Variants in SFMBT1 observed in about 807,000 individuals in gnomAD.
SFMBT1 encodes scm-like with four MBT domains protein 1.
SFMBT1 carries 32 observed loss-of-function variants against 108.7 expected under a neutral mutation model. That is an observed-to-expected ratio of 0.29 (90% CI 0.22 to 0.40). The LOEUF (loss-of-function observed/expected upper bound fraction) is 0.40, where lower values mean the gene tolerates loss of function less well. Among genes scored for constraint, SFMBT1 ranks in the 10% least tolerant of loss-of-function variants. SFMBT1 has a pLI of 1.00. For synonymous variants in SFMBT1, 348 were observed against 369.5 expected (o/e 0.94, Z 0.67); for missense variants, 816 against 1,059.6 (o/e 0.77, Z 3.19).
At chr3:53,029,806 G>A (rs1312861134) in intron 1 of SFMBT1, among the ~76,000 whole-genome samples, 1 of 152,054 alleles carries the variant, frequency 6.6e-6, no homozygotes, top group Non-Finnish European at 1.5e-5. Flanking sequence ...GGTGGAGGGT[G>A]GGGAGAATGG....
Position 52,934,852 on chromosome 3 carries a change from C to T in SFMBT1, c.414G>A (p.Leu138=), listed in dbSNP as rs762124646. Residue 138 remains leucine, a synonymous_variant, in exon 5 of 21, where the codon CTG becomes CTA. Transcript: ENST00000394752. The part of the protein sequence containing the change: ...SDWDEFLRQT[L]IGACSPPVPL... ...GAACAGGAGGACTACATGCTCCTATCAGGGTCTGCCGCAGAAACTCATCCC... is the reference window on the plus strand; with the variant it reads ...GAACAGGAGGACTACATGCTCCTATTAGGGTCTGCCGCAGAAACTCATCCC... The T allele has an allele frequency of 1.2e-6, 2 of 1,613,634 alleles. No individual in the cohort carries two copies. The highest frequency in any genetic ancestry group is 1.7e-6 in the Non-Finnish European group (2 of 1,179,840).
chr3:53,023,522 A>C (rs569061683), intron 1 of SFMBT1, among the ~76,000 whole-genome samples: 247 of 152,362 alleles, frequency 1.6e-3, no homozygotes, highest in African/African-American at 5.6e-3. Context: ...TGAATTAAAT[A>C]AATACCATCT....
chr3:52,912,167 A>G (rs1575366747), intron 16 of SFMBT1, among the ~76,000 whole-genome samples: 1 of 151,906 alleles, frequency 6.6e-6, no homozygotes, highest in Non-Finnish European at 1.5e-5. Context: ...CACAGAACTG[A>G]TTCTGTGAAT....
At chr3:53,023,640 C>A (rs1203300760) in intron 1 of SFMBT1, among the ~76,000 whole-genome samples, 13 of 152,198 alleles carry the variant, frequency 8.5e-5, no homozygotes, top group Non-Finnish European at 4.4e-5. Flanking sequence ...CAGCTGTGCT[C>A]CCATTAGGCT....
In SFMBT1 at chr3:53,019,842, A is replaced by G. The variant is rs565568914; in HGVS notation, c.-131+25974T>C. Among the ~76,000 whole-genome samples the G allele has an allele frequency of 4.7e-4, 72 of 152,298 alleles. 2 individuals are homozygous for G. The South Asian group carries it at 0.015, about 31-fold the overall frequency. ...ACTTAAAACCTTTCAGTAACTGACT[A>G]AATAGTAAAATCAAAACTCCTTACT... On this transcript the variant is annotated intron_variant, in intron 1 of 20. Transcript: ENST00000394752.
chr3:52,988,069 C>T (rs1429199188), intron 1 of SFMBT1, among the ~76,000 whole-genome samples: 1 of 152,196 alleles, frequency 6.6e-6, no homozygotes, highest in Non-Finnish European at 1.5e-5. Context: ...ACAGGCTCTG[C>T]CTCAACCCAG....
At chr3:52,966,853 A>C (rs918362086) in intron 2 of SFMBT1, among the ~76,000 whole-genome samples, 2 of 151,502 alleles carry the variant, frequency 1.3e-5, no homozygotes, top group African/African-American at 4.8e-5. Context: ...TATGTAGAGA[A>C]AATATTTAAG....
chr3:52,938,810 T>A (rs1321800896), intron 4 of SFMBT1, among the ~76,000 whole-genome samples: 1 of 152,368 alleles, frequency 6.6e-6, no homozygotes, highest in African/African-American at 2.4e-5. Context: ...TAGCTATACA[T>A]ATATTTAATG....
chr3:52,927,207 A>T (rs551305211), intron 9 of SFMBT1, among the ~76,000 whole-genome samples: 1 of 152,114 alleles, frequency 6.6e-6, no homozygotes, highest in Admixed American at 6.6e-5. Context: ...TCACTGATGG[A>T]GGAGACTCTA....
intron 1 of SFMBT1, among the ~76,000 whole-genome samples, chr3:53,037,618 A>C (rs567392878): frequency 2.6e-5 from 4 of 152,302 alleles, no homozygotes; most frequent in African/African-American, 9.6e-5. Flanking sequence ...ATACACCCGA[A>C]GTTTCTCAAA....
intron 1 of SFMBT1, among the ~76,000 whole-genome samples, chr3:52,976,733 A>G (rs1324142079): frequency 6.6e-5 from 10 of 152,242 alleles, no homozygotes; most frequent in Non-Finnish European, 1.2e-4. Context: ...TAATAGCCAT[A>G]ATAACAGCAC....
intron 2 of SFMBT1, among the ~76,000 whole-genome samples, chr3:52,965,604 C>T (rs750493394): frequency 2.6e-5 from 4 of 152,028 alleles, no homozygotes; most frequent in Non-Finnish European, 5.9e-5. Flanking sequence ...GCTTTCAACC[C>T]AGGATTCCAT....
chr3:53,031,323 G>C (rs993573733), intron 1 of SFMBT1, among the ~76,000 whole-genome samples: 1 of 152,170 alleles, frequency 6.6e-6, no homozygotes, highest in African/African-American at 2.4e-5. Flanking sequence ...CCAGACTGCT[G>C]ATTGCCTCTT....
At chr3:52,908,713 C>T (rs573978336) in intron 17 of SFMBT1, among the ~76,000 whole-genome samples, 3 of 152,160 alleles carry the variant, frequency 2.0e-5, no homozygotes, top group African/African-American at 7.2e-5. Context: ...GGACTACAGG[C>T]GTCTGCCACC....
At chr3:52,931,816 G>A (rs1158157359) in intron 6 of SFMBT1, among the ~76,000 whole-genome samples, 1 of 151,888 alleles carries the variant, frequency 6.6e-6, no homozygotes, top group Non-Finnish European at 1.5e-5. Flanking sequence ...CTCCAGCCTG[G>A]GTAACAGAGC....
At chr3:52,938,440 T>C (rs989183126) in intron 4 of SFMBT1, among the ~76,000 whole-genome samples, 1 of 152,152 alleles carries the variant, frequency 6.6e-6, no homozygotes, top group African/African-American at 2.4e-5. Flanking sequence ...CTTATTTTTG[T>C]TCTACGGATT....
intron 1 of SFMBT1, among the ~76,000 whole-genome samples, chr3:52,982,210 G>C (rs1240007019): frequency 6.6e-6 from 1 of 152,140 alleles, no homozygotes; most frequent in Non-Finnish European, 1.5e-5. Flanking sequence ...CTATGCAAGA[G>C]AACCCTGATA....
intron 4 of SFMBT1, among the ~76,000 whole-genome samples, chr3:52,940,419 G>A (rs879674505): frequency 1.3e-5 from 2 of 152,218 alleles, no homozygotes; most frequent in Admixed American, 1.3e-4. Context: ...TAGCCCGCTT[G>A]AAGGGGTAAC....
chr3:52,974,981 G>A (rs1036724856), intron 1 of SFMBT1, among the ~76,000 whole-genome samples: 1 of 151,728 alleles, frequency 6.6e-6, no homozygotes, highest in South Asian at 2.1e-4. Flanking sequence ...CTCCAGCCTG[G>A]GTGACAGGGC....
Sources: gnomAD v4.1 joint callset for allele counts (sites outside exome capture counted in the v4.1 genomes callset) on GRCh38, gnomAD v4.1.1 for gene constraint, MANE v1.5 for transcripts, NCBI Gene and HGNC (gene_info 2026-07-23, HGNC 2026-07-21) for gene names.